Variants in ATXN3L observed in about 807,000 individuals in gnomAD.
ATXN3L encodes the protein ataxin 3 like, also known as ataxin-3-like protein.
For synonymous variants in ATXN3L, 98 were observed against 96.1 expected (o/e 1.02, Z -0.12); for missense variants, 283 against 255.2 (o/e 1.11, Z -0.74).
Position 13,320,039 on chromosome X carries a change from G to A in ATXN3L, c.-105C>T, listed in dbSNP as rs769747653. On this transcript the variant is annotated 5_prime_UTR_variant, in exon 1 of 1. Coordinates refer to ENST00000380622, the MANE Select transcript of ATXN3L (RefSeq NM_001135995.2). ...TGGATAGCCATGTAACAGATGTTAGGTTTTCAAACCTTATGAAGACCATGG... is the reference window on the plus strand; with the variant it reads ...TGGATAGCCATGTAACAGATGTTAGATTTTCAAACCTTATGAAGACCATGG... 17 of 586,748 alleles carry A rather than the reference G, an allele frequency of 2.9e-5. 1 individual carries two copies. In the South Asian group the frequency reaches 5.4e-4, roughly 19 times the overall value. The allele number at this position is 586,748 out of a possible 1,213,427, so 48.4% of individuals were successfully genotyped here. A position where few individuals can be genotyped will look rare whatever the true frequency, so the allele number is the denominator to read the frequency against.
At position 13,319,113 on chromosome X, in the gene ATXN3L, A is replaced by C; in HGVS notation, c.822T>G (p.Pro274=). 8.3e-7 allele frequency: 1 copy of C among 1,211,639 alleles called. No individual in the cohort carries two copies. The highest frequency in any genetic ancestry group is 1.1e-6 in the Non-Finnish European group (1 of 895,359). The change falls in exon 1 of 1, where the codon CCT becomes CCG. Residue 274 remains proline, a synonymous_variant. Transcript: ENST00000380622. ...QDLPKTSCVT[P]ASEQPKKIKE... is the part of the protein sequence containing the mutation. ...TTATTTTCTTCGGCTGTTCTGAAGC[A>C]GGAGTTACACATGATGTCTTTGGAA...
Position 13,319,452 on chromosome X carries a change from A to G in ATXN3L, c.483T>C (p.Ser161=), listed in dbSNP as rs779809245. ...GCAGATCACCCTTGACAACAAATAC[A>G]GAATATGCTTGTTGTTGTAATCGAG... ...FLARLQQQAY[S]VFVVKGDLPD... The change falls in exon 1 of 1, where the codon TCT becomes TCC. Residue 161 remains serine, a synonymous_variant. Coordinates refer to ENST00000380622, the MANE Select transcript of ATXN3L (RefSeq NM_001135995.2). 1.3e-5 allele frequency: 16 copies of G among 1,211,759 alleles called. No homozygotes were observed. In the South Asian group the frequency reaches 2.5e-4, roughly 19 times the overall value.
Position 13,318,825 on chromosome X carries a change from T to C in ATXN3L, c.*42A>G. On this transcript the variant is annotated 3_prime_UTR_variant, in exon 1 of 1. Transcript: ENST00000380622. ...GATCCTACAGTATAATCACACAGGA[T>C]AATGTTGGAAAGTATGACTATCTAA... The C allele has an allele frequency of 1.8e-6, 2 of 1,085,405 alleles. No individual in the cohort carries two copies. The highest frequency in any genetic ancestry group is 1.8e-5 in the African/African-American group (1 of 54,490). The allele number at this position is 1,085,405 out of a possible 1,213,427, so 89.4% of individuals were successfully genotyped here. A position where few individuals can be genotyped will look rare whatever the true frequency, so the allele number is the denominator to read the frequency against.
In ATXN3L at chrX:13,319,718, C is replaced by T. The variant is rs777424010; in HGVS notation, c.217G>A (p.Gly73Ser). 9.4e-5 allele frequency: 114 copies of T among 1,209,868 alleles called. No homozygotes were observed. The South Asian group carries it at 1.3e-3, about 13-fold the overall frequency. Residue 73 changes from glycine (G) to serine (S), a missense_variant, in exon 1 of 1, where the codon GGT becomes AGT. Transcript: ENST00000380622. Reference sequence around the variant, plus strand: ...CTTATTACCTGAATGGAGAAGAAACCGGTATCATCCATGTTTTCTGAAGGC... The same window carrying T: ...CTTATTACCTGAATGGAGAAGAAACTGGTATCATCCATGTTTTCTGAAGGC... ...QQPSENMDDT[G>S]FFSIQVISNA...
At position 13,319,579 on chromosome X, in the gene ATXN3L, T is replaced by A; in HGVS notation, c.356A>T (p.His119Leu). The A allele has an allele frequency of 8.3e-7, 1 of 1,209,064 alleles. No homozygotes were observed. The highest frequency in any genetic ancestry group is 1.7e-5 in the African/African-American group (1 of 57,742). The change falls in exon 1 of 1, where the codon CAC (histidine) becomes CTC (leucine). Residue 119 changes from histidine (H) to leucine (L), a missense_variant. By Grantham distance (99) the His-to-Leu change is moderately conservative. Transcript: ENST00000380622. ...TCCAAATTTTCTAATAGTAAACCAG[T>A]GTTGTTTATAATTACATATAAAAGA... is the stretch of plus-strand genomic sequence containing the variant. ...ERSFICNYKQ[H>L]WFTIRKFGKH... is the part of the protein sequence containing the mutation.
In ATXN3L at chrX:13,319,793, T is replaced by C; in HGVS notation, c.142A>G (p.Met48Val). The change falls in exon 1 of 1, where the codon ATG (methionine) becomes GTG (valine). Residue 48 changes from methionine (M) to valine (V), a missense_variant. Transcript: ENST00000380622. Reference protein sequence around the residue: ...HQLDEEERMRMAEGGVTSEEY... With the variant: ...HQLDEEERMRVAEGGVTSEEY... ...TCACTGGTGACTCCTCCTTCTGCCA[T>C]TCTCATCCTCTCTTCTTCATCTAGC... The C allele has an allele frequency of 8.3e-7, 1 of 1,211,992 alleles. No homozygotes were observed. Among genetic ancestry groups the C allele is most frequent in the Non-Finnish European group, 1.1e-6 (1 of 895,447 alleles).
rs769321240 is a variant in ATXN3L at position 13,318,982 on chromosome X, G to A, written c.953C>T (p.Ser318Leu). Residue 318 changes from serine (S) to leucine (L), a missense_variant, in exon 1 of 1, where the codon TCG (serine) becomes TTG (leucine). Physicochemically the swap from Ser to Leu is moderately radical, Grantham distance 145. Coordinates refer to ENST00000380622, the MANE Select transcript of ATXN3L (RefSeq NM_001135995.2). ...SYLHERPTTS[S>L]RAIESDLSDD... ...ACTGAGATCACTCTCAATTGCTCTC[G>A]AACTTGTTGTTGGCCTTTCGTGTAG... 32 of 1,209,814 alleles carry A rather than the reference G, an allele frequency of 2.6e-5. No individual in the cohort carries two copies. The highest frequency in any genetic ancestry group is 3.5e-5 in the South Asian group (2 of 56,815).
rs1330704533 is a variant in ATXN3L at position 13,319,506 on chromosome X, TATTA to T, written c.425_428del (p.Leu142TyrfsTer54). The T allele has an allele frequency of 2.6e-5, 31 of 1,210,214 alleles. No individual in the cohort carries two copies. Among genetic ancestry groups the T allele is most frequent in the Non-Finnish European group, 3.4e-5 (30 of 895,274 alleles). On this transcript the variant is annotated frameshift_variant, in exon 1 of 1. Coordinates refer to ENST00000380622, the MANE Select transcript of ATXN3L (RefSeq NM_001135995.2). LOFTEE classifies it low-confidence loss of function (END_TRUNC). ...AGAAATTTGCAAGGCATGTATCTGA[TATTA>T]ATTCTGGACCCGCCAAGAGAGAATT...
At position 13,319,809 on chromosome X, in the gene ATXN3L, T is replaced by C. The variant is rs1000929284; in HGVS notation, c.126A>G (p.Glu42=). 8 of 1,210,087 alleles carry C rather than the reference T, an allele frequency of 6.6e-6. No individual in the cohort carries two copies. The highest frequency in any genetic ancestry group is 3.4e-6 in the Non-Finnish European group (3 of 894,977). Residue 42 remains glutamate, a synonymous_variant, in exon 1 of 1, where the codon GAA becomes GAG. Transcript: ENST00000380622. ...ELASIAHQLD[E]EERMRMAEGG... ...CTTCTGCCATTCTCATCCTCTCTTC[T>C]TCATCTAGCTGATGTGCAATTGAGG...
rs774141512 is a variant in ATXN3L, at chrX:13,319,059, C to T, written c.876G>A (p.Gln292=). The change falls in exon 1 of 1, where the codon CAG becomes CAA. Residue 292 remains glutamine (Q), a synonymous_variant. Coordinates refer to ENST00000380622, the MANE Select transcript of ATXN3L (RefSeq NM_001135995.2). ...ACTGTTGTTGCTGCTGCTTCTGTTC[C>T]TGCTGATGCTTTTCAAAATAGTCTT... ...IKEDYFEKHQ[Q]EQKQQQQQSD... 13 of 1,209,858 alleles carry T rather than the reference C, an allele frequency of 1.1e-5. No homozygotes were observed. The East Asian group carries it at 3.3e-4, about 30-fold the overall frequency.
At position 13,318,753 on chromosome X, in the gene ATXN3L, T is replaced by C; in HGVS notation, c.*114A>G. Reference sequence around the variant, plus strand: ...CTCTCTCGTCATTTTGTTTGCAAACTGTCTAAAAGCCTTATTTCCTCATCT... The same window carrying C: ...CTCTCTCGTCATTTTGTTTGCAAACCGTCTAAAAGCCTTATTTCCTCATCT... On this transcript the variant is annotated 3_prime_UTR_variant, in exon 1 of 1. Coordinates refer to ENST00000380622, the MANE Select transcript of ATXN3L (RefSeq NM_001135995.2). 1 of 570,987 alleles carries C rather than the reference T, an allele frequency of 1.8e-6. No homozygotes were observed. Among genetic ancestry groups the C allele is most frequent in the Non-Finnish European group, 2.7e-6 (1 of 377,094 alleles). 47.1% of individuals were successfully genotyped at this position (570,987 alleles called of 1,213,427 possible). A position where few individuals can be genotyped will look rare whatever the true frequency, so the allele number is the denominator to read the frequency against.
rs2044474616 is a variant in ATXN3L, at chrX:13,319,582, TG to T, written c.352del (p.Gln118AsnfsTer16). ...AAATTTTCTAATAGTAAACCAGTGT[TG>T]TTTATAATTACATATAAAAGATCTT... The part of the protein sequence containing the change: ...NERSFICNYK[Q>X]HWFTIRKFGK... On this transcript the variant is annotated frameshift_variant, in exon 1 of 1. Coordinates refer to ENST00000380622, the MANE Select transcript of ATXN3L (RefSeq NM_001135995.2). LOFTEE classifies it low-confidence loss of function (END_TRUNC). 2 of 1,207,243 alleles carry T rather than the reference TG, an allele frequency of 1.7e-6. No homozygotes were observed. Among genetic ancestry groups the T allele is most frequent in the African/African-American group, 3.5e-5 (2 of 57,269 alleles).
Position 13,318,823 on chromosome X carries a change from G to A in ATXN3L, c.*44C>T. 1.8e-5 allele frequency: 19 copies of A among 1,073,196 alleles called. No individual in the cohort carries two copies. The highest frequency in any genetic ancestry group is 2.4e-5 in the Non-Finnish European group (19 of 790,604). The allele number at this position is 1,073,196 out of a possible 1,213,427, so 88.4% of individuals were successfully genotyped here. Reference sequence around the variant, plus strand: ...TGGATCCTACAGTATAATCACACAGGATAATGTTGGAAAGTATGACTATCT... The same window carrying A: ...TGGATCCTACAGTATAATCACACAGAATAATGTTGGAAAGTATGACTATCT... On this transcript the variant is annotated 3_prime_UTR_variant, in exon 1 of 1. Transcript: ENST00000380622.
chrX:13,319,416 T>C lies in ATXN3L; in HGVS notation c.519A>G (p.Glu173=). The change falls in exon 1 of 1, where the codon GAA becomes GAG. Residue 173 remains glutamate, a synonymous_variant. Transcript: ENST00000380622. ...TGATGATCTGCAGGAGTTGGTCAGC[T>C]TCACAGTCTGGCAGATCACCCTTGA... ...FVVKGDLPDC[E]ADQLLQIISV... is the part of the protein sequence containing the mutation. 3 of 1,211,975 alleles carry C rather than the reference T, an allele frequency of 2.5e-6. No individual in the cohort carries two copies. The highest frequency in any genetic ancestry group is 3.3e-6 in the Non-Finnish European group (3 of 895,525).
rs1267636703 is a variant in ATXN3L at position 13,320,015 on chromosome X, G to A, written c.-81C>T. The A allele has an allele frequency of 2.7e-6, 2 of 729,705 alleles. No individual in the cohort carries two copies. The highest frequency in any genetic ancestry group is 4.0e-6 in the Non-Finnish European group (2 of 495,141). The allele number at this position is 729,705 out of a possible 1,213,427, so 60.1% of individuals were successfully genotyped here. A position where few individuals can be genotyped will look rare whatever the true frequency, so the allele number is the denominator to read the frequency against. The stretch of plus-strand genomic sequence containing the variant: ...TATGGCAGTTACCTGGGCAGTTTGT[G>A]GATAGCCATGTAACAGATGTTAGGT... On this transcript the variant is annotated 5_prime_UTR_variant, in exon 1 of 1. Transcript: ENST00000380622.
chrX:13,319,237 A>G lies in ATXN3L; in HGVS notation c.698T>C (p.Leu233Pro), dbSNP rs201960773. 3 of 1,211,501 alleles carry G rather than the reference A, an allele frequency of 2.5e-6. No homozygotes were observed. Among genetic ancestry groups the G allele is most frequent in the Non-Finnish European group, 2.2e-6 (2 of 895,213 alleles). Reference protein sequence around the residue: ...DQDEEDFQRALELSRQETNRE... With the variant: ...DQDEEDFQRAPELSRQETNRE... Reference sequence around the variant, plus strand: ...ATTGGTTTCTTGGCGGCTTAGTTCAAGGGCCCTCTGAAAATCCTCCTCATC... The same window carrying G: ...ATTGGTTTCTTGGCGGCTTAGTTCAGGGGCCCTCTGAAAATCCTCCTCATC... Residue 233 changes from leucine (L) to proline (P), a missense_variant, in exon 1 of 1, where the codon CTT (leucine) becomes CCT (proline). Physicochemically the swap from Leu to Pro is moderately conservative, Grantham distance 98. Transcript: ENST00000380622.
In ATXN3L at chrX:13,319,949, TG is replaced by T. The variant is rs765291844; in HGVS notation, c.-16del. The T allele has an allele frequency of 8.6e-7, 1 of 1,163,081 alleles. No individual in the cohort carries two copies. Among genetic ancestry groups the T allele is most frequent in the Non-Finnish European group, 1.2e-6 (1 of 858,371 alleles). On this transcript the variant is annotated 5_prime_UTR_variant, in exon 1 of 1. Transcript: ENST00000380622. Reference sequence around the variant, plus strand: ...ATGAAATCCATGTTAATTGTATCCGTGAGTTTCTGTAGGTATGCCGGAAGAT... The same window carrying T: ...ATGAAATCCATGTTAATTGTATCCGTAGTTTCTGTAGGTATGCCGGAAGAT...
At position 13,318,973 on chromosome X, in the gene ATXN3L, A is replaced by G. The variant is rs201988976; in HGVS notation, c.962T>C (p.Ile321Thr). The change falls in exon 1 of 1, where the codon ATT (isoleucine) becomes ACT (threonine). Residue 321 changes from isoleucine to threonine, a missense_variant. Transcript: ENST00000380622. Reference sequence around the variant, plus strand: ...GATGTCATCACTGAGATCACTCTCAATTGCTCTCGAACTTGTTGTTGGCCT... The same window carrying G: ...GATGTCATCACTGAGATCACTCTCAGTTGCTCTCGAACTTGTTGTTGGCCT... ...HERPTTSSRA[I>T]ESDLSDDISE... 2.0e-5 allele frequency: 24 copies of G among 1,210,047 alleles called. No homozygotes were observed. In the East Asian group the frequency reaches 5.3e-4, roughly 27 times the overall value.
In ATXN3L at chrX:13,318,922, A is replaced by G; in HGVS notation, c.1013T>C (p.Val338Ala). The G allele has an allele frequency of 8.3e-7, 1 of 1,206,405 alleles. No homozygotes were observed. The highest frequency in any genetic ancestry group is 1.1e-6 in the Non-Finnish European group (1 of 893,763). Residue 338 changes from valine (V) to alanine (A), a missense_variant, in exon 1 of 1, where the codon GTC becomes GCC. Val to Ala is a moderately conservative substitution (Grantham distance 64). Transcript: ENST00000380622. ...TCTCATAATTTCTAAAATGGTGTCG[A>G]CAGCGGCCTGTACTGTGCCTTCACT... ...DISEGTVQAA[V>A]DTILEIMRKN... is the part of the protein sequence containing the mutation.
Sources: allele counts gnomAD v4.1 joint callset, GRCh38; gene constraint gnomAD v4.1.1; transcripts MANE v1.5; gene names NCBI Gene and HGNC (gene_info 2026-07-23, HGNC 2026-07-21).